Variants in RNF217 observed in about 807,000 individuals in gnomAD.
The protein encoded by RNF217 is E3 ubiquitin-protein ligase RNF217.
In RNF217, 31 loss-of-function variants were observed where a neutral mutation model predicts 57.8. The observed-to-expected ratio is 0.54, with a 90% CI of 0.40 to 0.72. The LOEUF (loss-of-function observed/expected upper bound fraction) is 0.72, where lower values mean the gene tolerates loss of function less well. Among genes scored for constraint, RNF217 ranks in the 30% least tolerant of loss-of-function variants. The pLI is 0.00. For synonymous variants in RNF217, 313 were observed against 294.0 expected (o/e 1.06, Z -0.66); for missense variants, 696 against 708.3 (o/e 0.98, Z 0.20).
intron 1 of RNF217, among the ~76,000 whole-genome samples, chr6:124,974,752 T>C (rs908174513): frequency 6.6e-6 from 1 of 152,254 alleles, no homozygotes; most frequent in Non-Finnish European, 1.5e-5. Flanking sequence ...CACTGCAGAA[T>C]TAACCATCCT....
At position 125,089,409 on chromosome 6, in the gene RNF217, C is replaced by T. The variant is rs1788868928; in HGVS notation, c.*6472C>T. 6.6e-6 allele frequency: 1 copy of T among 152,122 alleles called. No homozygotes were observed. The allele number at this position is 152,122 out of a possible 1,614,324, so 9.4% of individuals were successfully genotyped here. ...TTTGTTTCAGCAAAACGTCCTACAGCTTGGACTTGGGGTGGATTTATATAG... is the reference window on the plus strand; with the variant it reads ...TTTGTTTCAGCAAAACGTCCTACAGTTTGGACTTGGGGTGGATTTATATAG... On this transcript the variant is annotated 3_prime_UTR_variant, in exon 6 of 6. Coordinates refer to ENST00000521654, the MANE Select transcript of RNF217 (RefSeq NM_001286398.3).
intron 3 of RNF217, among the ~76,000 whole-genome samples, chr6:125,075,797 A>G (rs1001406472): frequency 1.1e-4 from 16 of 152,186 alleles, no homozygotes; most frequent in African/African-American, 3.4e-4. Flanking sequence ...TTTCTATACA[A>G]TATCTTTCCA....
rs1258740812 is a variant in RNF217, at chr6:125,085,713, C to A, written c.*2776C>A. ...ATACAACTTTCTCTACTTACCCCAC[C>A]TCTTATTTTCTAGGGGTAACCACTG... On this transcript the variant is annotated 3_prime_UTR_variant, in exon 6 of 6. Transcript: ENST00000521654. 1 of 151,846 alleles carries A rather than the reference C, an allele frequency of 6.6e-6. No individual in the cohort carries two copies. Among genetic ancestry groups the A allele is most frequent in the African/African-American group, 2.4e-5 (1 of 41,408 alleles). 9.4% of individuals were successfully genotyped at this position (151,846 alleles called of 1,614,324 possible).
intron 3 of RNF217, among the ~76,000 whole-genome samples, chr6:125,060,276 A>G (rs1275415495): frequency 6.6e-6 from 1 of 152,106 alleles, no homozygotes; most frequent in African/African-American, 2.4e-5. Flanking sequence ...GTAAACAATT[A>G]TCACATATTT....
intron 1 of RNF217, among the ~76,000 whole-genome samples, chr6:125,016,559 T>C (rs1229353797): frequency 3.9e-5 from 6 of 152,126 alleles, no homozygotes; most frequent in Non-Finnish European, 7.3e-5. Flanking sequence ...TAGAAAGTTT[T>C]TAGAAAGTTC....
intron 3 of RNF217, among the ~76,000 whole-genome samples, chr6:125,061,035 A>G (rs1174829101): frequency 2.0e-5 from 3 of 152,166 alleles, no homozygotes; most frequent in Non-Finnish European, 2.9e-5. Flanking sequence ...GAACTGTGTA[A>G]CACTTGCTTA....
chr6:124,992,749 T>C (rs1784607329), intron 1 of RNF217, among the ~76,000 whole-genome samples: 1 of 152,010 alleles, frequency 6.6e-6, no homozygotes, highest in African/African-American at 2.4e-5. Flanking sequence ...GTTGTAATGA[T>C]TTTTTTTGTC....
chr6:124,973,478 A>T (rs1215488886), intron 1 of RNF217, among the ~76,000 whole-genome samples: 1 of 152,182 alleles, frequency 6.6e-6, no homozygotes, highest in Non-Finnish European at 1.5e-5. Flanking sequence ...AGCTACTTTC[A>T]TAACTAGCAC....
chr6:125,066,025 T>C (rs1011615676), intron 3 of RNF217, among the ~76,000 whole-genome samples: 4 of 152,172 alleles, frequency 2.6e-5, no homozygotes, highest in Non-Finnish European at 4.4e-5. Flanking sequence ...CCAAGAACTT[T>C]AGGTTATCCC....
At chr6:124,970,785 A>C (rs1783732473) in intron 1 of RNF217, among the ~76,000 whole-genome samples, 1 of 152,216 alleles carries the variant, frequency 6.6e-6, no homozygotes, top group Non-Finnish European at 1.5e-5. Flanking sequence ...GAAGAAGCAA[A>C]GAGTCTAAAA....
chr6:124,986,555 A>C (rs1420939731), intron 1 of RNF217, among the ~76,000 whole-genome samples: 1 of 152,338 alleles, frequency 6.6e-6, no homozygotes, highest in Non-Finnish European at 1.5e-5. Context: ...CATTTCAAAT[A>C]GACTTTTTAA....
intron 4 of RNF217, among the ~76,000 whole-genome samples, chr6:125,078,444 T>G (rs1014079184): frequency 6.6e-6 from 1 of 152,188 alleles, no homozygotes; most frequent in Non-Finnish European, 1.5e-5. Context: ...ATTTGGCTCA[T>G]GGTTCTGGAG....
chr6:124,992,265 G>T (rs970722109), intron 1 of RNF217, among the ~76,000 whole-genome samples: 2 of 152,062 alleles, frequency 1.3e-5, no homozygotes, highest in African/African-American at 4.8e-5. Flanking sequence ...GGTATGTTTT[G>T]TAATTAGAAT....
Position 125,008,516 on chromosome 6 carries a change from C to CT in RNF217, c.883-36693dup, listed in dbSNP as rs548835494. On this transcript the variant is annotated intron_variant, in intron 1 of 5. Transcript: ENST00000521654. ...TCCCAGTCATCAGCACAGTCCAGGC[C>CT]TTGGTTTCCAACTTCTTGGAGTGAT... Among the ~76,000 whole-genome samples, 3 of 151,324 alleles carry CT rather than the reference C, an allele frequency of 2.0e-5. No homozygotes were observed. The South Asian group carries it at 6.2e-4, about 31-fold the overall frequency.
At chr6:125,018,787 G>A (rs1785707857) in intron 1 of RNF217, among the ~76,000 whole-genome samples, 1 of 152,118 alleles carries the variant, frequency 6.6e-6, no homozygotes, top group African/African-American at 2.4e-5. Context: ...CCATGACTAG[G>A]TGACTACCCC....
At chr6:125,062,657 A>G (rs1787780275) in intron 3 of RNF217, among the ~76,000 whole-genome samples, 1 of 152,152 alleles carries the variant, frequency 6.6e-6, no homozygotes, top group South Asian at 2.1e-4. Context: ...GCTCACTGCA[A>G]CCTTCGTCTC....
intron 5 of RNF217, chr6:125,082,606 A>G (rs1446086546): frequency 2.5e-6 from 4 of 1,584,416 alleles, no homozygotes; most frequent in Non-Finnish European, 3.4e-6. Context: ...TGGACAATAA[A>G]GAAGATTTAA....
rs571286402 is a variant in RNF217, at chr6:125,060,306, C to T, written c.1281+2200C>T. On this transcript the variant is annotated intron_variant, in intron 3 of 5. Transcript: ENST00000521654. ...ATATTTTCATATAAATGCTTTCAAT[C>T]ATGATAACTAAATGTATTTAAAATT... 8.6e-5 allele frequency among the ~76,000 whole-genome samples: 13 copies of T among 151,898 alleles called. No homozygotes were observed. The South Asian group carries it at 2.5e-3, about 29-fold the overall frequency.
At chr6:125,082,593 C>A in intron 5 of RNF217, 1 of 1,591,228 alleles carries the variant, frequency 6.3e-7, no homozygotes. Context: ...AATGATATGA[C>A]TGTGGACAAT....
Sources: gnomAD v4.1 joint callset for allele counts (sites outside exome capture counted in the v4.1 genomes callset) on GRCh38, gnomAD v4.1.1 for gene constraint, MANE v1.5 for transcripts, NCBI Gene and HGNC (gene_info 2026-07-23, HGNC 2026-07-21) for gene names.